The following GPRIN3 variants were observed in gnomAD, a reference collection of about 807,000 sequenced individuals.
GPRIN3 encodes the protein G protein-regulated inducer of neurite outgrowth 3.
GPRIN3 carries 12 observed loss-of-function variants against 13.7 expected under a neutral mutation model. That is an observed-to-expected ratio of 0.87 (90% confidence interval 0.56 to 1.42). GPRIN3 has a LOEUF of 1.42. Among genes scored for constraint, GPRIN3 ranks in the 40% most tolerant of loss-of-function variants. The pLI, the probability that GPRIN3 is intolerant of heterozygous loss-of-function variation, is 0.00. For missense variants in GPRIN3, 1,009 were observed against 958.7 expected (o/e 1.05, Z -0.69); for synonymous variants, 377 against 372.7 (o/e 1.01, Z -0.13).
rs540560055 is a variant in GPRIN3 at position 89,248,848 on chromosome 4, T to A, written c.1263A>T (p.Ser421=). 12 of 1,614,180 alleles carry A rather than the reference T, an allele frequency of 7.4e-6. No homozygotes were observed. Among genetic ancestry groups the A allele is most frequent in the Non-Finnish European group, 1.0e-5 (12 of 1,180,002 alleles). The change falls in exon 2 of 2, where the codon TCA becomes TCT. Residue 421 remains serine, a synonymous_variant. Transcript: ENST00000609438. ...CATTACTGGAGACCAAATTGATTGA[T>A]GAGGTTTTAAGGACCCCACCTGGTA... ...ASLPGGVLKT[S]SINLVSSNAQ... is the part of the protein sequence containing the mutation.
At chr4:89,268,863 C>T (rs1007938553) in intron 1 of GPRIN3, among the ~76,000 whole-genome samples, 5 of 152,116 alleles carry the variant, frequency 3.3e-5, no homozygotes, top group African/African-American at 9.7e-5. Flanking sequence ...GGCACTTTTC[C>T]CCCAGAAAGC....
rs1723274496 is a variant in GPRIN3, at chr4:89,249,915, T to A, written c.196A>T (p.Met66Leu). ...LSPRAAAEAL[M>L]QVCEHETTQP... ...GTGGTCTCATGCTCACAAACCTGCA[T>A]CAGGGCTTCGGCAGCTGCCCTGGGG... The change falls in exon 2 of 2, where the codon ATG (methionine) becomes TTG (leucine). Residue 66 changes from methionine (M) to leucine (L), a missense_variant. Transcript: ENST00000609438. 2 of 1,614,200 alleles carry A rather than the reference T, an allele frequency of 1.2e-6. No homozygotes were observed. The highest frequency in any genetic ancestry group is 1.3e-5 in the African/African-American group (1 of 75,052).
At chr4:89,303,774 A>C (rs6826449) in intron 1 of GPRIN3, among the ~76,000 whole-genome samples, 115,048 of 148,186 alleles carry the variant, frequency 0.78, 44,871 homozygotes, top group East Asian at 0.99. Flanking sequence ...TATATATAAA[A>C]AATATAAAAT....
intron 1 of GPRIN3, among the ~76,000 whole-genome samples, chr4:89,266,731 A>G (rs1248458451): frequency 6.6e-6 from 1 of 152,204 alleles, no homozygotes; most frequent in African/African-American, 2.4e-5. Flanking sequence ...AGTTTCTGTA[A>G]GAAAGATGAT....
At chr4:89,259,270 G>A (rs1354801695) in intron 1 of GPRIN3, among the ~76,000 whole-genome samples, 2 of 152,148 alleles carry the variant, frequency 1.3e-5, no homozygotes, top group Non-Finnish European at 1.5e-5. Flanking sequence ...CTCCAGAAGA[G>A]GTGATTAAAA....
At chr4:89,296,033 T>G (rs984955629) in intron 1 of GPRIN3, among the ~76,000 whole-genome samples, 4 of 152,162 alleles carry the variant, frequency 2.6e-5, no homozygotes, top group African/African-American at 9.7e-5. Flanking sequence ...TTTAAATAAA[T>G]TTATAAGTAT....
intron 1 of GPRIN3, among the ~76,000 whole-genome samples, chr4:89,281,218 G>T (rs557756954): frequency 1.3e-5 from 2 of 152,174 alleles, no homozygotes; most frequent in African/African-American, 2.4e-5. Flanking sequence ...CCACTTCCTG[G>T]GTTTAAGCAA....
chr4:89,298,662 C>CATAT (rs772549748), intron 1 of GPRIN3, among the ~76,000 whole-genome samples: 2 of 151,062 alleles, frequency 1.3e-5, no homozygotes, highest in African/African-American at 4.9e-5. Context: ...TACATACATA[C>CATAT]ATATATATAT....
intron 1 of GPRIN3, among the ~76,000 whole-genome samples, chr4:89,286,322 T>G (rs563230310): frequency 6.6e-6 from 1 of 152,122 alleles, no homozygotes; most frequent in African/African-American, 2.4e-5. Flanking sequence ...ATCAGGTGGA[T>G]GGTGTTCATT....
At position 89,248,271 on chromosome 4, in the gene GPRIN3, C is replaced by G. The variant is rs749381302; in HGVS notation, c.1840G>C (p.Asp614His). 6.2e-7 allele frequency: 1 copy of G among 1,614,148 alleles called. No individual in the cohort carries two copies. The highest frequency in any genetic ancestry group is 1.7e-5 in the Admixed American group (1 of 60,002). ...TTCTTGCCAGAACCTGGGCTGGAGT[C>G]ACCCATGGGATCAGATGGCAGGCTC... ...SLSLPSDPMG[D>H]SSPGSGKKTP... Residue 614 changes from aspartate (D) to histidine (H), a missense_variant, in exon 2 of 2, where the codon GAC becomes CAC. By Grantham distance (81) the Asp-to-His change is moderately conservative. Coordinates refer to ENST00000609438, the MANE Select transcript of GPRIN3 (RefSeq NM_198281.3).
chr4:89,288,266 C>A (rs1251608975), intron 1 of GPRIN3, among the ~76,000 whole-genome samples: 1 of 152,168 alleles, frequency 6.6e-6, no homozygotes, highest in African/African-American at 2.4e-5. Context: ...GCAGAGCCAA[C>A]TAGCTCTTGC....
At chr4:89,272,132 C>T (rs1266306732) in intron 1 of GPRIN3, among the ~76,000 whole-genome samples, 1 of 152,164 alleles carries the variant, frequency 6.6e-6, no homozygotes, top group Non-Finnish European at 1.5e-5. Context: ...GTAAGCTATG[C>T]AGTCTGTGGT....
chr4:89,298,556 T>A (rs1385819548), intron 1 of GPRIN3, among the ~76,000 whole-genome samples: 1 of 152,068 alleles, frequency 6.6e-6, no homozygotes, highest in East Asian at 1.9e-4. Context: ...TTGAACTATA[T>A]TTATTACTAA....
At chr4:89,307,262 A>G (rs1375661182) in intron 1 of GPRIN3, among the ~76,000 whole-genome samples, 1 of 126,950 alleles carries the variant, frequency 7.9e-6, no homozygotes, top group Non-Finnish European at 1.6e-5. Context: ...GGAAAATGAG[A>G]CAAATGTCAC....
At chr4:89,279,255 G>A (rs1243979701) in intron 1 of GPRIN3, among the ~76,000 whole-genome samples, 1 of 152,154 alleles carries the variant, frequency 6.6e-6, no homozygotes, top group Non-Finnish European at 1.5e-5. Flanking sequence ...TTGCTCAACT[G>A]CCTTTAAAAC....
chr4:89,248,691 T>C lies in GPRIN3; in HGVS notation c.1420A>G (p.Ser474Gly), dbSNP rs371516724. ...CTTGTTTCAGCTTGACTGCATGCAC[T>C]GATAGAAATCTGGTCAATGGCGGTA... ...KATAIDQISI[S>G]ACSQAETSYG... is the part of the protein sequence containing the mutation. Residue 474 changes from serine (S) to glycine (G), a missense_variant, in exon 2 of 2, where the codon AGT (serine) becomes GGT (glycine). Coordinates refer to ENST00000609438, the MANE Select transcript of GPRIN3 (RefSeq NM_198281.3). The C allele has an allele frequency of 1.2e-6, 2 of 1,614,052 alleles. No homozygotes were observed. Among genetic ancestry groups the C allele is most frequent in the African/African-American group, 2.7e-5 (2 of 74,924 alleles).
chr4:89,247,753 T>C lies in GPRIN3; in HGVS notation c.*27A>G. ...GACGCATGTGAATACCGTAAATTTA[T>C]ACACAAACTCCCATAAATACTCCCT... On this transcript the variant is annotated 3_prime_UTR_variant, in exon 2 of 2. Transcript: ENST00000609438. 3 of 1,569,866 alleles carry C rather than the reference T, an allele frequency of 1.9e-6. No individual in the cohort carries two copies. Among genetic ancestry groups the C allele is most frequent in the South Asian group, 1.2e-5 (1 of 83,564 alleles).
chr4:89,254,784 T>G (rs1418733588), intron 1 of GPRIN3, among the ~76,000 whole-genome samples: 1 of 152,128 alleles, frequency 6.6e-6, no homozygotes, highest in Admixed American at 6.5e-5. Flanking sequence ...TGTTTTTAGG[T>G]CTTTGAGGAA....
intron 1 of GPRIN3, among the ~76,000 whole-genome samples, chr4:89,267,734 G>A (rs1032980220): frequency 1.3e-5 from 2 of 152,118 alleles, no homozygotes; most frequent in African/African-American, 2.4e-5. Flanking sequence ...ATGTCTATAA[G>A]TGCTACATGC....
Sources: allele counts gnomAD v4.1 joint callset (sites outside exome capture counted in the v4.1 genomes callset), GRCh38; gene constraint gnomAD v4.1.1; transcripts MANE v1.5; gene names NCBI Gene and HGNC (gene_info 2026-07-23, HGNC 2026-07-21).